DENND1B: variants seen among roughly 807,000 people sequenced by gnomAD.
The protein encoded by DENND1B is DENN domain-containing protein 1B.
Under a neutral mutation model 90.1 loss-of-function variants are expected in DENND1B, and 59 were observed. The ratio of observed to expected loss-of-function variants is 0.65; its 90% CI spans 0.53 to 0.81. DENND1B has a LOEUF of 0.81. Among genes scored for constraint, DENND1B ranks in the 40% least tolerant of loss-of-function variants. DENND1B has a pLI of 0.00. For synonymous variants in DENND1B, 337 were observed against 324.6 expected (o/e 1.04, Z -0.41); for missense variants, 862 against 912.6 (o/e 0.94, Z 0.71).
At chr1:197,646,549 T>C (rs1382793649) in intron 8 of DENND1B, among the ~76,000 whole-genome samples, 1 of 152,000 alleles carries the variant, frequency 6.6e-6, no homozygotes, top group African/African-American at 2.4e-5. Context: ...AATTATTTAA[T>C]ATCTGAATCA....
At position 197,647,050 on chromosome 1, in the gene DENND1B, C is replaced by G. The variant is rs547433974; in HGVS notation, c.507+5G>C. On this transcript the variant is annotated splice_donor_5th_base_variant and intron_variant, in intron 8 of 22. Coordinates refer to ENST00000620048, the MANE Select transcript of DENND1B (RefSeq NM_001195215.2). ...TTTTTAGAAGCCAATGTCCTTTTAA[C>G]TCACCGGTACTAGAGCAGGCTGATC... is the stretch of plus-strand genomic sequence containing the variant. The G allele has an allele frequency of 2.3e-5, 34 of 1,465,650 alleles. No homozygotes were observed. The highest frequency in any genetic ancestry group is 3.0e-5 in the African/African-American group (2 of 66,962). 90.8% of individuals were successfully genotyped at this position (1,465,650 alleles called of 1,614,324 possible). A position where few individuals can be genotyped will look rare whatever the true frequency, so the allele number is the denominator to read the frequency against.
chr1:197,644,002 T>C (rs1680510478), intron 9 of DENND1B, among the ~76,000 whole-genome samples: 1 of 152,212 alleles, frequency 6.6e-6, no homozygotes, highest in Non-Finnish European at 1.5e-5. Context: ...CAATTACTTC[T>C]TCAATTTCCG....
At chr1:197,627,694 G>A (rs1471369725) in intron 10 of DENND1B, among the ~76,000 whole-genome samples, 1 of 151,996 alleles carries the variant, frequency 6.6e-6, no homozygotes, top group Non-Finnish European at 1.5e-5. Flanking sequence ...TTAGGCAGGG[G>A]AAGGAAATAA....
rs200778400 is a variant in DENND1B, at chr1:197,727,448, T to C, written c.83-12374A>G. 1.8e-4 allele frequency among the ~76,000 whole-genome samples: 27 copies of C among 149,616 alleles called. No homozygotes were observed. The East Asian group carries it at 4.9e-3, about 27-fold the overall frequency. The stretch of plus-strand genomic sequence containing the variant: ...TACTTGGGAGGCTGAGGCAGGAAAA[T>C]GGCGTGAACCCGGGAGGCGGAGCTT... On this transcript the variant is annotated intron_variant, in intron 2 of 22. Coordinates refer to ENST00000620048, the MANE Select transcript of DENND1B (RefSeq NM_001195215.2).
intron 3 of DENND1B, among the ~76,000 whole-genome samples, chr1:197,684,552 G>A (rs962658698): frequency 2.0e-5 from 3 of 151,988 alleles, no homozygotes; most frequent in African/African-American, 7.3e-5. Flanking sequence ...AAAAATAAAG[G>A]GATGGGGTAT....
At chr1:197,683,840 T>G (rs1394980490) in intron 3 of DENND1B, among the ~76,000 whole-genome samples, 1 of 152,232 alleles carries the variant, frequency 6.6e-6, no homozygotes, top group East Asian at 1.9e-4. Context: ...GATTTTATAA[T>G]CACAATATGT....
At chr1:197,608,867 C>A (rs1482888037) in intron 12 of DENND1B, among the ~76,000 whole-genome samples, 1 of 149,884 alleles carries the variant, frequency 6.7e-6, no homozygotes, top group Non-Finnish European at 1.5e-5. Flanking sequence ...AGGGACCACT[C>A]GAAAAAGAAT....
chr1:197,672,296 A>G (rs1340549779), intron 4 of DENND1B, 140 bp from the exon 5 acceptor site: 3 of 1,029,190 alleles, frequency 2.9e-6, no homozygotes, highest in East Asian at 5.4e-5. Flanking sequence ...ACTATGTTCT[A>G]AAACTAGAGG....
intron 3 of DENND1B, among the ~76,000 whole-genome samples, chr1:197,707,691 A>T (rs1659723181): frequency 6.8e-6 from 1 of 147,136 alleles, no homozygotes; most frequent in Admixed American, 6.8e-5. Context: ...AATATAATAT[A>T]ATATAATTAT....
At chr1:197,734,460 T>A (rs1662448061) in intron 2 of DENND1B, 2 of 982,962 alleles carry the variant, frequency 2.0e-6, no homozygotes, top group Non-Finnish European at 2.4e-6. Context: ...TATTGAAAAT[T>A]AAGTGAAAAC....
At chr1:197,641,308 G>T (rs888028188) in intron 10 of DENND1B, among the ~76,000 whole-genome samples, 77 of 152,050 alleles carry the variant, frequency 5.1e-4, no homozygotes, top group African/African-American at 1.6e-3. Context: ...TGAGGAGGAG[G>T]AGCTGGGGAG....
At chr1:197,592,964 T>G (rs1675367299) in intron 14 of DENND1B, among the ~76,000 whole-genome samples, 1 of 152,118 alleles carries the variant, frequency 6.6e-6, no homozygotes, top group South Asian at 2.1e-4. Flanking sequence ...CTTAAATATG[T>G]TTTTGAAACT....
chr1:197,646,941 G>T, intron 8 of DENND1B, 114 bp downstream of exon 8: 2 of 710,042 alleles, frequency 2.8e-6, no homozygotes, highest in Non-Finnish European at 4.5e-6. Context: ...TTTCTTAAGA[G>T]TCAAATTCAC....
intron 2 of DENND1B, among the ~76,000 whole-genome samples, chr1:197,771,177 G>C (rs919762949): frequency 6.6e-6 from 1 of 152,094 alleles, no homozygotes; most frequent in Non-Finnish European, 1.5e-5. Flanking sequence ...CTCCAAAAGT[G>C]CTGGGATTAT....
chr1:197,641,840 A>T (rs1173693433), intron 10 of DENND1B, among the ~76,000 whole-genome samples: 1 of 152,112 alleles, frequency 6.6e-6, no homozygotes, highest in African/African-American at 2.4e-5. Context: ...TTTAAATGCT[A>T]AAATACAGAT....
chr1:197,759,724 T>C (rs1404524625), intron 2 of DENND1B, among the ~76,000 whole-genome samples: 6 of 130,816 alleles, frequency 4.6e-5, no homozygotes, highest in East Asian at 4.3e-4. Context: ...GCCTGGGTGA[T>C]TGAGCAAGAC....
At chr1:197,516,794 G>A (rs979489342) in intron 20 of DENND1B, among the ~76,000 whole-genome samples, 2 of 151,672 alleles carry the variant, frequency 1.3e-5, no homozygotes, top group African/African-American at 4.8e-5. Flanking sequence ...TTAAAAACAT[G>A]CATATTAACT....
chr1:197,746,075 C>T (rs1451428773), intron 2 of DENND1B, among the ~76,000 whole-genome samples: 1 of 152,146 alleles, frequency 6.6e-6, no homozygotes, highest in Non-Finnish European at 1.5e-5. Flanking sequence ...TACCAGAAAA[C>T]GTGTAGTTAC....
intron 20 of DENND1B, among the ~76,000 whole-genome samples, chr1:197,537,793 T>G (rs1295242634): frequency 6.6e-6 from 1 of 152,038 alleles, no homozygotes; most frequent in Non-Finnish European, 1.5e-5. Flanking sequence ...AAGAAGACTT[T>G]AAAATTTTTT....
Sources: gnomAD v4.1 joint callset for allele counts (sites outside exome capture counted in the v4.1 genomes callset) on GRCh38, gnomAD v4.1.1 for gene constraint, MANE v1.5 for transcripts, NCBI Gene and HGNC (gene_info 2026-07-23, HGNC 2026-07-21) for gene names.